Variants in IL23R observed in about 807,000 individuals in gnomAD.
IL23R encodes the protein interleukin-23 receptor.
A neutral mutation model predicts 56.9 loss-of-function variants in IL23R; 34 were observed. The observed-to-expected ratio is 0.60, with a 90% CI of 0.45 to 0.80. IL23R has a LOEUF of 0.80. Among genes scored for constraint, IL23R ranks in the 30% least tolerant of loss-of-function variants. The probability of loss-of-function intolerance (pLI) is 0.00; values close to 1 mark genes in which losing one functional copy is unlikely to be tolerated. For missense variants in IL23R, 635 were observed against 730.0 expected (o/e 0.87, Z 1.50); for synonymous variants, 230 against 249.2 (o/e 0.92, Z 0.73).
intron 10 of IL23R, among the ~76,000 whole-genome samples, chr1:67,257,654 C>T (rs1439371127): frequency 6.6e-6 from 1 of 152,162 alleles, no homozygotes; most frequent in African/African-American, 2.4e-5. Flanking sequence ...TTCACCCACC[C>T]TCCTTATCAT....
At chr1:67,211,931 T>C (rs550349704) in intron 6 of IL23R, among the ~76,000 whole-genome samples, 13 of 152,346 alleles carry the variant, frequency 8.5e-5, no homozygotes, top group South Asian at 8.3e-4. Context: ...TCCTTTGTGA[T>C]AGGTAGTATT....
At chr1:67,176,378 A>C (rs1337913159) in intron 3 of IL23R, among the ~76,000 whole-genome samples, 1 of 152,114 alleles carries the variant, frequency 6.6e-6, no homozygotes, top group African/African-American at 2.4e-5. Context: ...GGTGCTGAGT[A>C]CTGATTGGCC....
chr1:67,181,473 T>G (rs1275658748), intron 3 of IL23R, among the ~76,000 whole-genome samples: 2 of 152,230 alleles, frequency 1.3e-5, no homozygotes, highest in African/African-American at 2.4e-5. Context: ...TGCCATGGTT[T>G]TCAGCTCCAT....
intron 3 of IL23R, among the ~76,000 whole-genome samples, chr1:67,178,708 G>A (rs1343565988): frequency 6.6e-6 from 1 of 152,156 alleles, no homozygotes; most frequent in African/African-American, 2.4e-5. Flanking sequence ...GTTTTCAAAG[G>A]GAATGCTTCC....
chr1:67,141,509 G>C (rs1646637387), intron 1 of IL23R, among the ~76,000 whole-genome samples: 1 of 152,098 alleles, frequency 6.6e-6, no homozygotes. Flanking sequence ...TATAATCCCA[G>C]CACTTTGGTA....
At chr1:67,246,626 G>C (rs1369635476) in intron 9 of IL23R, among the ~76,000 whole-genome samples, 1 of 152,196 alleles carries the variant, frequency 6.6e-6, no homozygotes, top group Non-Finnish European at 1.5e-5. Flanking sequence ...GCAGTTTTGA[G>C]TGAGTTTCTT....
At position 67,240,244 on chromosome 1, in the gene IL23R, T is replaced by C. The variant is rs757084952; in HGVS notation, c.1111T>C (p.Ser371Pro). ...CTTTGCTGTTATGTTGTCAATTCTT[T>C]CTTTGATTGGGATATTTAACAGATC... is the stretch of plus-strand genomic sequence containing the variant. ...IVFAVMLSIL[S>P]LIGIFNRSFR... The change falls in exon 9 of 11, where the codon TCT becomes CCT. Residue 371 changes from serine to proline, a missense_variant. Coordinates refer to ENST00000347310, the MANE Select transcript of IL23R (RefSeq NM_144701.3). 1 of 1,613,442 alleles carries C rather than the reference T, an allele frequency of 6.2e-7. No homozygotes were observed. Among genetic ancestry groups the C allele is most frequent in the East Asian group, 2.2e-5 (1 of 44,862 alleles).
chr1:67,185,215 G>A (rs900968842), intron 4 of IL23R, among the ~76,000 whole-genome samples: 3 of 152,184 alleles, frequency 2.0e-5, no homozygotes, highest in Admixed American at 6.5e-5. Context: ...GTGAGGTCAG[G>A]TAATGAATGT....
intron 6 of IL23R, among the ~76,000 whole-genome samples, chr1:67,218,824 C>CA (rs1650043916): frequency 6.6e-6 from 1 of 151,770 alleles, no homozygotes; most frequent in South Asian, 2.1e-4. Flanking sequence ...GAGGCTGAGG[C>CA]AGGAGGATCA....
chr1:67,144,921 C>G (rs72927007), intron 1 of IL23R, among the ~76,000 whole-genome samples: 2,749 of 152,316 alleles, frequency 0.018, 73 homozygotes, highest in African/African-American at 0.063. Flanking sequence ...AACATCTCCA[C>G]TGGGGGTCCC....
intron 3 of IL23R, among the ~76,000 whole-genome samples, chr1:67,176,759 A>G (rs1647015229): frequency 1.3e-5 from 2 of 152,110 alleles, no homozygotes; most frequent in South Asian, 2.1e-4. Context: ...AACATTAGGT[A>G]TATCTCCTAA....
chr1:67,183,115 C>A (rs889912924), intron 4 of IL23R, among the ~76,000 whole-genome samples, 156 bp downstream of exon 4: 2 of 152,230 alleles, frequency 1.3e-5, no homozygotes, highest in Non-Finnish European at 2.9e-5. Context: ...ACTACCAAAG[C>A]CCTTTTCAAG....
chr1:67,160,843 C>T (rs1646812116), intron 1 of IL23R, among the ~76,000 whole-genome samples: 2 of 152,116 alleles, frequency 1.3e-5, no homozygotes, highest in South Asian at 4.1e-4. Flanking sequence ...TGCCACCATG[C>T]CCAGCTAGCA....
the IL23R span, among the ~76,000 whole-genome samples, chr1:67,265,830 C>T: frequency 2.6e-5 from 4 of 151,552 alleles, no homozygotes; most frequent in Non-Finnish European, 5.9e-5. Context: ...TGCTTGAGCC[C>T]AGGAGTCCAA....
At position 67,259,316 on chromosome 1, in the gene IL23R, G is replaced by A. The variant is rs1653117172; in HGVS notation, c.*188G>A. On this transcript the variant is annotated 3_prime_UTR_variant, in exon 11 of 11. Coordinates refer to ENST00000347310, the MANE Select transcript of IL23R (RefSeq NM_144701.3). ...AGGGGATTGCTGGGCCATATGATAA[G>A]CATATGTTTCAGTTCTACCAATCTT... 8.1e-6 allele frequency: 5 copies of A among 615,618 alleles called. No individual in the cohort carries two copies. Among genetic ancestry groups the A allele is most frequent in the South Asian group, 1.9e-5 (1 of 52,126 alleles). 38.1% of individuals were successfully genotyped at this position (615,618 alleles called of 1,614,324 possible).
At chr1:67,198,242 C>T (rs1648320488) in intron 4 of IL23R, among the ~76,000 whole-genome samples, 1 of 152,152 alleles carries the variant, frequency 6.6e-6, no homozygotes, top group East Asian at 1.9e-4. Flanking sequence ...AGGGTGGAAA[C>T]AATATCAAAT....
chr1:67,236,851 C>A, intron 8 of IL23R, 49 bp downstream of exon 8: 1 of 1,164,058 alleles, frequency 8.6e-7, no homozygotes, highest in South Asian at 1.2e-5. Context: ...AGTAATTGCC[C>A]ATTTTAACCC....
intron 8 of IL23R, among the ~76,000 whole-genome samples, chr1:67,237,760 C>G (rs1457948669): frequency 1.3e-5 from 2 of 152,158 alleles, no homozygotes; most frequent in Non-Finnish European, 2.9e-5. Context: ...AACTTTTAGG[C>G]ATGACTATTT....
chr1:67,209,635 C>T (rs1373666394), intron 6 of IL23R, among the ~76,000 whole-genome samples: 1 of 152,186 alleles, frequency 6.6e-6, no homozygotes, highest in East Asian at 1.9e-4. Context: ...TCCAATTAAA[C>T]CTCTTTTTCT....
Sources: gnomAD v4.1 joint callset for allele counts (sites outside exome capture counted in the v4.1 genomes callset) on GRCh38, gnomAD v4.1.1 for gene constraint, MANE v1.5 for transcripts, NCBI Gene and HGNC (gene_info 2026-07-23, HGNC 2026-07-21) for gene names.